The following SSBP2 variants were observed in gnomAD, a reference collection of about 807,000 sequenced individuals.
The protein encoded by SSBP2 is single-stranded DNA-binding protein 2.
SSBP2 carries 17 observed loss-of-function variants against 61.8 expected under a neutral mutation model. That is an observed-to-expected ratio of 0.28 (90% CI 0.19 to 0.41). The LOEUF (loss-of-function observed/expected upper bound fraction) is 0.41, where lower values mean the gene tolerates loss of function less well. SSBP2 is among the 10% of genes least tolerant of loss of function. The pLI is 1.00. For missense variants in SSBP2, 310 were observed against 458.7 expected (o/e 0.68, Z 2.96); for synonymous variants, 139 against 141.3 (o/e 0.98, Z 0.12).
chr5:81,478,764 C>T (rs1206744961), intron 6 of SSBP2, among the ~76,000 whole-genome samples: 1 of 152,184 alleles, frequency 6.6e-6, no homozygotes, highest in African/African-American at 2.4e-5. Flanking sequence ...AACCACCATG[C>T]CTGGCCAGAT....
At chr5:81,529,031 AT>A (rs1201104022) in intron 4 of SSBP2, among the ~76,000 whole-genome samples, 3 of 152,044 alleles carry the variant, frequency 2.0e-5, no homozygotes, top group Non-Finnish European at 2.9e-5. Flanking sequence ...AAAAATACAC[AT>A]TTTTTTCAAG....
intron 4 of SSBP2, among the ~76,000 whole-genome samples, chr5:81,524,701 G>T (rs1002943831): frequency 9.9e-5 from 15 of 152,016 alleles, no homozygotes; most frequent in Non-Finnish European, 1.9e-4. Flanking sequence ...GCTAAGTGTT[G>T]TGGTTCCCCT....
intron 1 of SSBP2, among the ~76,000 whole-genome samples, chr5:81,728,727 G>C (rs1756060618): frequency 6.6e-6 from 1 of 152,172 alleles, no homozygotes; most frequent in African/African-American, 2.4e-5. Flanking sequence ...ATTGATGTCT[G>C]AATCATTTTA....
At chr5:81,664,248 G>A (rs923479898) in intron 1 of SSBP2, among the ~76,000 whole-genome samples, 2 of 150,918 alleles carry the variant, frequency 1.3e-5, no homozygotes, top group Non-Finnish European at 2.9e-5. Context: ...TCAGCCTCCC[G>A]AGTAGCTGGG....
intron 15 of SSBP2, among the ~76,000 whole-genome samples, chr5:81,432,069 G>A (rs1404856054): frequency 6.6e-6 from 1 of 152,200 alleles, no homozygotes; most frequent in Non-Finnish European, 1.5e-5. Context: ...TCTAAGTAGT[G>A]GATTTTGAAT....
upstream of SSBP2, chr5:81,751,137 A>C: frequency 7.5e-7 from 1 of 1,328,308 alleles, no homozygotes; most frequent in Non-Finnish European, 1.0e-6. Flanking sequence ...CCACGCAGCC[A>C]CCCCCACTAT....
intron 1 of SSBP2, among the ~76,000 whole-genome samples, chr5:81,724,708 T>C (rs898881451): frequency 6.6e-6 from 1 of 152,056 alleles, no homozygotes; most frequent in African/African-American, 2.4e-5. Context: ...GAGAGGGATA[T>C]GTAATATCGG....
rs561326893 is a variant in SSBP2, at chr5:81,470,316, G to T, written c.571-3275C>A. On this transcript the variant is annotated intron_variant, in intron 8 of 16. Coordinates refer to ENST00000320672, the MANE Select transcript of SSBP2 (RefSeq NM_012446.5). ...TGGTTTCATATATGATATTAGAAAA[G>T]ATATTTTTCTTGATTAAATAGGTAG... Among the ~76,000 whole-genome samples, 211 of 151,540 alleles carry T rather than the reference G, an allele frequency of 1.4e-3. 1 individual carries two copies. The South Asian group carries it at 0.016, about 12-fold the overall frequency.
intron 4 of SSBP2, among the ~76,000 whole-genome samples, chr5:81,569,333 A>T (rs1773673745): frequency 1.3e-5 from 2 of 152,152 alleles, no homozygotes; most frequent in Admixed American, 1.3e-4. Flanking sequence ...ATTCCAACAT[A>T]AGCTTTAAGC....
At chr5:81,681,152 C>T (rs1410124232) in intron 1 of SSBP2, among the ~76,000 whole-genome samples, 2 of 152,074 alleles carry the variant, frequency 1.3e-5, no homozygotes, top group East Asian at 3.8e-4. Flanking sequence ...GGAGGTTAAA[C>T]AATGCACTTC....
chr5:81,616,363 C>G (rs1424494225), intron 3 of SSBP2: 1 of 144,010 alleles, frequency 6.9e-6, no homozygotes, highest in Non-Finnish European at 1.5e-5. Flanking sequence ...AAAATCGGGT[C>G]ACTCCCACCC....
chr5:81,565,493 C>T (rs1051496815), intron 4 of SSBP2, among the ~76,000 whole-genome samples: 10 of 152,028 alleles, frequency 6.6e-5, no homozygotes, highest in African/African-American at 1.4e-4. Flanking sequence ...CATACATATA[C>T]GACAGGTGTA....
chr5:81,497,590 T>C (rs1031251797), intron 5 of SSBP2, among the ~76,000 whole-genome samples: 5 of 152,154 alleles, frequency 3.3e-5, no homozygotes, highest in African/African-American at 9.7e-5. Flanking sequence ...AGAAAATGCT[T>C]ATAAAGTATG....
intron 4 of SSBP2, among the ~76,000 whole-genome samples, chr5:81,600,826 A>C (rs968483948): frequency 6.6e-6 from 1 of 152,192 alleles, no homozygotes; most frequent in Non-Finnish European, 1.5e-5. Context: ...TAACAAAATA[A>C]TAGAGTAGAA....
At chr5:81,707,558 C>G (rs1312824566) in intron 1 of SSBP2, among the ~76,000 whole-genome samples, 1 of 152,124 alleles carries the variant, frequency 6.6e-6, no homozygotes, top group Non-Finnish European at 1.5e-5. Context: ...CCACCAACAC[C>G]TTGATTTCAG....
intron 4 of SSBP2, among the ~76,000 whole-genome samples, chr5:81,566,889 G>A (rs1219320670): frequency 2.0e-5 from 3 of 152,150 alleles, no homozygotes. Context: ...ATTTGCCCTT[G>A]CCCTAGAGAT....
chr5:81,538,114 C>G (rs1015707077), intron 4 of SSBP2, among the ~76,000 whole-genome samples: 7 of 152,084 alleles, frequency 4.6e-5, no homozygotes, highest in Admixed American at 1.3e-4. Context: ...TCCTCTTGTA[C>G]CAAACAGTCA....
chr5:81,492,313 G>A (rs1243943595), intron 5 of SSBP2, among the ~76,000 whole-genome samples: 1 of 151,950 alleles, frequency 6.6e-6, no homozygotes, highest in Non-Finnish European at 1.5e-5. Context: ...GACCAGCCTG[G>A]GCAACATGAC....
intron 10 of SSBP2, among the ~76,000 whole-genome samples, chr5:81,458,732 G>A (rs948079349): frequency 2.6e-5 from 4 of 152,166 alleles, no homozygotes; most frequent in Non-Finnish European, 4.4e-5. Context: ...ATTTGGATAA[G>A]TTGTCACCAC....
Sources: allele counts gnomAD v4.1 joint callset (sites outside exome capture counted in the v4.1 genomes callset), GRCh38; gene constraint gnomAD v4.1.1; transcripts MANE v1.5; gene names NCBI Gene and HGNC (gene_info 2026-07-23, HGNC 2026-07-21).